The following ZBBX variants were observed in gnomAD, a reference collection of about 807,000 sequenced individuals.
The protein encoded by ZBBX is zinc finger B-box domain containing, also known as zinc finger B-box domain-containing protein 1.
A neutral mutation model predicts 108.5 loss-of-function variants in ZBBX; 101 were observed. The ratio of observed to expected loss-of-function variants is 0.93; its 90% CI spans 0.79 to 1.10. ZBBX has a LOEUF of 1.10. ZBBX is among the 50% of genes least tolerant of loss of function. The probability of loss-of-function intolerance (pLI) is 0.00; values close to 1 mark genes in which losing one functional copy is unlikely to be tolerated. For missense variants in ZBBX, 1,009 were observed against 941.4 expected, an observed-to-expected ratio of 1.07 and a Z score of -0.94; for synonymous variants, 356 against 323.4, an observed-to-expected ratio of 1.10 and a Z score of -1.08.
chr3:167,287,361 C>T (rs1328439708), intron 19 of ZBBX, among the ~76,000 whole-genome samples: 1 of 151,990 alleles, frequency 6.6e-6, no homozygotes, highest in Non-Finnish European at 1.5e-5. Context: ...AAAATAAATG[C>T]AATTTCTTAG....
chr3:167,322,951 C>T (rs1365833963), intron 11 of ZBBX, among the ~76,000 whole-genome samples: 1 of 151,960 alleles, frequency 6.6e-6, no homozygotes, highest in African/African-American at 2.4e-5. Context: ...GTGTCCCAGC[C>T]TCATATTGTA....
chr3:167,301,954 TAAAAA>T (rs71176635), intron 17 of ZBBX, among the ~76,000 whole-genome samples: 2,067 of 92,120 alleles, frequency 0.022, 64 homozygotes, highest in African/African-American at 0.078. Context: ...AAGACTCCGT[TAAAAA>T]AAAAAAAAAA....
chr3:167,382,766 C>G (rs1290825496), upstream of ZBBX, among the ~76,000 whole-genome samples: 1 of 152,092 alleles, frequency 6.6e-6, no homozygotes, highest in Non-Finnish European at 1.5e-5. Context: ...TTATCATTAA[C>G]TATTGATAAA....
At chr3:167,365,586 A>T (rs1295069204) in intron 6 of ZBBX, among the ~76,000 whole-genome samples, 2 of 151,750 alleles carry the variant, frequency 1.3e-5, no homozygotes, top group Non-Finnish European at 3.0e-5. Flanking sequence ...GTTTAGAAGT[A>T]TTTAGTTCTA....
chr3:167,254,887 T>A (rs868473622), intron 20 of ZBBX, among the ~76,000 whole-genome samples: 9 of 141,264 alleles, frequency 6.4e-5, no homozygotes, highest in African/African-American at 8.1e-5. Flanking sequence ...TGTGTGTGTG[T>A]GAGAGAGAGA....
chr3:167,258,531 T>A (rs1018631086), intron 20 of ZBBX, among the ~76,000 whole-genome samples: 3 of 149,728 alleles, frequency 2.0e-5, no homozygotes, highest in African/African-American at 7.7e-5. Context: ...TGGCTAGGAC[T>A]TCAGTACTAT....
intron 10 of ZBBX, among the ~76,000 whole-genome samples, chr3:167,329,815 C>A (rs1738112198): frequency 6.6e-6 from 1 of 152,134 alleles, no homozygotes; most frequent in African/African-American, 2.4e-5. Context: ...ACCCATTGGA[C>A]ATGTAAAACC....
At chr3:167,223,723 C>A in the ZBBX span, among the ~76,000 whole-genome samples, 1 of 151,858 alleles carries the variant, frequency 6.6e-6, no homozygotes, top group Non-Finnish European at 1.5e-5. Flanking sequence ...GCCTTAAAAT[C>A]ATTATTTTAT....
intron 8 of ZBBX, among the ~76,000 whole-genome samples, chr3:167,350,766 T>C (rs930638295): frequency 2.0e-5 from 3 of 151,972 alleles, no homozygotes; most frequent in African/African-American, 7.2e-5. Context: ...AAAATAAATG[T>C]AGTTTTAATG....
intron 18 of ZBBX, among the ~76,000 whole-genome samples, chr3:167,292,124 C>T (rs74799139): frequency 4.6e-5 from 7 of 152,170 alleles, no homozygotes; most frequent in Non-Finnish European, 8.8e-5. Context: ...TAACACCCCA[C>T]TATCAATATT....
intron 9 of ZBBX, among the ~76,000 whole-genome samples, chr3:167,342,531 A>G (rs12485907): frequency 0.83 from 125,179 of 151,452 alleles, 51,862 homozygotes; most frequent in East Asian, 0.94. Flanking sequence ...ACACCCCTAC[A>G]TGCATCCATC....
intron 20 of ZBBX, chr3:167,248,708 G>A: frequency 2.2e-6 from 1 of 455,488 alleles, no homozygotes; most frequent in Admixed American, 2.4e-5. Context: ...TAATGTAAAT[G>A]GGCAGAACCA....
intron 8 of ZBBX, among the ~76,000 whole-genome samples, chr3:167,358,032 G>C (rs903756181): frequency 9.2e-5 from 14 of 151,950 alleles, no homozygotes; most frequent in African/African-American, 2.4e-4. Context: ...GTTGTTGAGA[G>C]GGGAGGGATA....
At position 167,332,190 on chromosome 3, in the gene ZBBX, G is replaced by A. The variant is rs111295458; in HGVS notation, c.687+1637C>T. On this transcript the variant is annotated intron_variant, in intron 10 of 21. Coordinates refer to ENST00000675490, the MANE Select transcript of ZBBX (RefSeq NM_001199201.2). ...CAGAGGAACACTAAGCCTATGAAGC[G>A]GTTATCTCTTCATTGTGTACTCTGT... is the stretch of plus-strand genomic sequence containing the variant. Among the ~76,000 whole-genome samples, 952 of 152,054 alleles carry A rather than the reference G, an allele frequency of 6.3e-3. 6 individuals are homozygous for A. Among genetic ancestry groups the A allele is most frequent in the African/African-American group, 0.019 (795 of 41,454 alleles).
At chr3:167,351,191 C>A (rs1742584738) in intron 8 of ZBBX, among the ~76,000 whole-genome samples, 1 of 151,334 alleles carries the variant, frequency 6.6e-6, no homozygotes, top group Non-Finnish European at 1.5e-5. Context: ...ATTTAACTTC[C>A]AAATTATGAT....
intron 11 of ZBBX, among the ~76,000 whole-genome samples, chr3:167,324,347 A>G (rs958711707): frequency 6.6e-5 from 10 of 151,998 alleles, no homozygotes; most frequent in African/African-American, 2.2e-4. Flanking sequence ...GTCTCACTAC[A>G]TTGCCCAGGT....
intron 6 of ZBBX, among the ~76,000 whole-genome samples, chr3:167,363,870 T>A (rs1265008890): frequency 2.0e-5 from 3 of 152,116 alleles, no homozygotes; most frequent in African/African-American, 7.2e-5. Flanking sequence ...TTTAAATATT[T>A]TCATTATCCA....
intron 1 of ZBBX, among the ~76,000 whole-genome samples, chr3:167,389,583 A>G (rs1748027888): frequency 6.6e-6 from 1 of 152,116 alleles, no homozygotes; most frequent in Admixed American, 6.5e-5. Flanking sequence ...GAACTAATTT[A>G]CACTCCCACA....
At chr3:167,214,352 T>G in the ZBBX span, among the ~76,000 whole-genome samples, 2 of 152,070 alleles carry the variant, frequency 1.3e-5, no homozygotes, top group African/African-American at 4.8e-5. Context: ...TATCCTAATT[T>G]CAGACAAAAC....
Sources: gnomAD v4.1 joint callset for allele counts (sites outside exome capture counted in the v4.1 genomes callset) on GRCh38, gnomAD v4.1.1 for gene constraint, MANE v1.5 for transcripts, NCBI Gene and HGNC (gene_info 2026-07-23, HGNC 2026-07-21) for gene names.